The following DNAJC1 variants were observed in gnomAD, a reference collection of about 807,000 sequenced individuals.
The protein encoded by DNAJC1 is dnaJ homolog subfamily C member 1.
DNAJC1 carries 58 observed loss-of-function variants against 76.6 expected under a neutral mutation model. The observed-to-expected ratio is 0.76, with a 90% CI of 0.61 to 0.94. DNAJC1 has a LOEUF of 0.94. DNAJC1 is among the 40% of genes least tolerant of loss of function. DNAJC1 has a pLI of 0.00. For missense variants in DNAJC1, 689 were observed against 677.3 expected (o/e 1.02, Z -0.19); for synonymous variants, 258 against 267.9 (o/e 0.96, Z 0.36).
intron 6 of DNAJC1, among the ~76,000 whole-genome samples, chr10:21,918,226 C>T (rs1440703836): frequency 6.6e-6 from 1 of 151,756 alleles, no homozygotes; most frequent in African/African-American, 2.4e-5. Context: ...AAATATGATA[C>T]ATATCCACAT....
intron 8 of DNAJC1, among the ~76,000 whole-genome samples, chr10:21,862,158 T>C (rs1835925658): frequency 6.6e-6 from 1 of 152,104 alleles, no homozygotes; most frequent in African/African-American, 2.4e-5. Context: ...CCTCAGGTGA[T>C]CCGCCTGCCT....
At chr10:21,859,293 A>T (rs1835887257) in intron 8 of DNAJC1, among the ~76,000 whole-genome samples, 1 of 152,160 alleles carries the variant, frequency 6.6e-6, no homozygotes, top group Admixed American at 6.5e-5. Context: ...TGCCCTAAAA[A>T]GTGGCTATTG....
intron 9 of DNAJC1, among the ~76,000 whole-genome samples, chr10:21,791,320 T>C (rs896487509): frequency 1.3e-5 from 2 of 152,130 alleles, no homozygotes; most frequent in Admixed American, 6.6e-5. Flanking sequence ...CACTCAGCAG[T>C]GGACAGATCA....
intron 1 of DNAJC1, among the ~76,000 whole-genome samples, chr10:22,002,492 A>C (rs1442827662): frequency 6.6e-6 from 1 of 152,200 alleles, no homozygotes; most frequent in African/African-American, 2.4e-5. Flanking sequence ...AAAAAAACCC[A>C]TTCCTACATT....
intron 8 of DNAJC1, among the ~76,000 whole-genome samples, chr10:21,844,823 G>C (rs185438578): frequency 6.6e-6 from 1 of 152,240 alleles, no homozygotes; most frequent in African/African-American, 2.4e-5. Flanking sequence ...TCAATTGAAC[G>C]TGAGCTCAAT....
chr10:21,798,574 C>CT (rs993345366), intron 9 of DNAJC1, among the ~76,000 whole-genome samples: 7 of 152,308 alleles, frequency 4.6e-5, no homozygotes, highest in South Asian at 4.1e-4. Flanking sequence ...AGCAATGCTC[C>CT]TTCTCAGACA....
intron 9 of DNAJC1, among the ~76,000 whole-genome samples, chr10:21,797,173 A>G (rs1462273834): frequency 6.6e-6 from 1 of 152,110 alleles, no homozygotes; most frequent in East Asian, 1.9e-4. Flanking sequence ...GTGGACATTA[A>G]GTTTTCCAAG....
At chr10:21,911,705 A>G (rs957342960) in intron 6 of DNAJC1, among the ~76,000 whole-genome samples, 3 of 152,206 alleles carry the variant, frequency 2.0e-5, no homozygotes, top group African/African-American at 7.2e-5. Context: ...AGATGTCCCC[A>G]ACTTAATGAT....
At chr10:21,843,179 G>A (rs1246473030) in intron 8 of DNAJC1, among the ~76,000 whole-genome samples, 17 of 152,098 alleles carry the variant, frequency 1.1e-4, no homozygotes, top group Admixed American at 9.8e-4. Flanking sequence ...AAGTATGTAT[G>A]ATTATTGGAA....
intron 6 of DNAJC1, among the ~76,000 whole-genome samples, chr10:21,909,832 T>C (rs1044918700): frequency 1.3e-5 from 2 of 152,212 alleles, no homozygotes; most frequent in Non-Finnish European, 2.9e-5. Context: ...GAACACATCA[T>C]TGCTCTGAGC....
chr10:21,958,583 C>G (rs1465541316), intron 1 of DNAJC1, among the ~76,000 whole-genome samples: 3 of 152,066 alleles, frequency 2.0e-5, no homozygotes, highest in South Asian at 2.1e-4. Context: ...CGTGCCACCA[C>G]GCCCAGCTAA....
At chr10:21,813,844 C>G (rs1364093612) in intron 8 of DNAJC1, among the ~76,000 whole-genome samples, 1 of 152,162 alleles carries the variant, frequency 6.6e-6, no homozygotes, top group East Asian at 1.9e-4. Context: ...GTCAGTTGGC[C>G]CTCTTACTCT....
intron 1 of DNAJC1, among the ~76,000 whole-genome samples, chr10:21,993,216 A>G (rs535702659): frequency 6.6e-6 from 1 of 152,194 alleles, no homozygotes; most frequent in Non-Finnish European, 1.5e-5. Flanking sequence ...TACACACATA[A>G]GTATATAAAT....
intron 1 of DNAJC1, among the ~76,000 whole-genome samples, chr10:21,965,723 C>T (rs546718094): frequency 1.3e-5 from 2 of 152,310 alleles, no homozygotes; most frequent in African/African-American, 4.8e-5. Flanking sequence ...TAGCAGAACA[C>T]ACCTCCCCAT....
chr10:21,827,761 A>G (rs1048738391), intron 8 of DNAJC1, among the ~76,000 whole-genome samples: 1 of 152,220 alleles, frequency 6.6e-6, no homozygotes, highest in Non-Finnish European at 1.5e-5. Flanking sequence ...CATATTCTGA[A>G]GTTCTAAGTG....
intron 1 of DNAJC1, among the ~76,000 whole-genome samples, chr10:21,935,709 G>C (rs2131788722): frequency 6.6e-6 from 1 of 151,986 alleles, no homozygotes; most frequent in South Asian, 2.1e-4. Flanking sequence ...AAAAGAAAGA[G>C]TCCCGAAAGC....
At chr10:21,877,260 T>G (rs1836201271) in intron 8 of DNAJC1, among the ~76,000 whole-genome samples, 1 of 149,780 alleles carries the variant, frequency 6.7e-6, no homozygotes, top group African/African-American at 2.5e-5. Flanking sequence ...AGTGACAGAG[T>G]GAGACCTTGT....
chr10:21,811,522 G>A (rs1341412047), intron 8 of DNAJC1, among the ~76,000 whole-genome samples: 1 of 152,176 alleles, frequency 6.6e-6, no homozygotes, highest in East Asian at 1.9e-4. Context: ...TTGTGTGCAA[G>A]TAATGACTTG....
Position 21,756,748 on chromosome 10 carries a change from C to A in DNAJC1, c.1604G>T (p.Cys535Phe). The change falls in exon 12 of 12, where the codon TGT becomes TTT. Residue 535 changes from cysteine (C) to phenylalanine (F), a missense_variant. By Grantham distance (205) the Cys-to-Phe change is radical. Coordinates refer to ENST00000376980, the MANE Select transcript of DNAJC1 (RefSeq NM_022365.4). ...AACCAGCAACTTGTACCTAGCGATA[C>A]AGTCTTCCTGTAGGAAGAAAAAAAG... ...RCVPSKSKEDCIARYKLLVEL... is the reference protein window; with the variant it reads ...RCVPSKSKEDFIARYKLLVEL... 6.2e-7 allele frequency: 1 copy of A among 1,613,306 alleles called. No homozygotes were observed. The highest frequency in any genetic ancestry group is 1.1e-5 in the South Asian group (1 of 91,068).
Sources: allele counts gnomAD v4.1 joint callset (sites outside exome capture counted in the v4.1 genomes callset), GRCh38; gene constraint gnomAD v4.1.1; transcripts MANE v1.5; gene names NCBI Gene and HGNC (gene_info 2026-07-23, HGNC 2026-07-21).